AMOTL1: variants seen among roughly 807,000 people sequenced by gnomAD.
AMOTL1 encodes angiomotin like 1, also known as angiomotin-like protein 1.
AMOTL1 carries 45 observed loss-of-function variants against 102.9 expected under a neutral mutation model. The observed-to-expected ratio is 0.44, with a 90% CI of 0.34 to 0.56. AMOTL1 has a LOEUF of 0.56. AMOTL1 is among the 20% of genes least tolerant of loss of function. The pLI is 0.01. For synonymous variants in AMOTL1, 481 were observed against 484.7 expected, an observed-to-expected ratio of 0.99 and a Z score of 0.10; for missense variants, 1,114 against 1,225.6, an observed-to-expected ratio of 0.91 and a Z score of 1.36.
intron 2 of AMOTL1, among the ~76,000 whole-genome samples, chr11:94,798,524 G>A (rs1951409059): frequency 6.6e-6 from 1 of 152,232 alleles, no homozygotes; most frequent in African/African-American, 2.4e-5. Context: ...AAGTATTTTG[G>A]GCGAGGAAGA....
At chr11:94,837,663 G>A (rs750445798) in intron 6 of AMOTL1, among the ~76,000 whole-genome samples, 7 of 152,172 alleles carry the variant, frequency 4.6e-5, no homozygotes, top group Non-Finnish European at 1.0e-4. Flanking sequence ...GAAAATTAAT[G>A]TTACTCAATT....
rs992063819 is a variant in AMOTL1 at position 94,874,162 on chromosome 11, A to G, written c.*3367A>G. 2 of 152,244 alleles carry G rather than the reference A, an allele frequency of 1.3e-5. No homozygotes were observed. Among genetic ancestry groups the G allele is most frequent in the African/African-American group, 4.8e-5 (2 of 41,462 alleles). The allele number at this position is 152,244 out of a possible 1,614,324, so 9.4% of individuals were successfully genotyped here. The stretch of plus-strand genomic sequence containing the variant: ...GGAGAAGTTGGAGTCAGGTCTCTGA[A>G]GCTAGAGTTTCACTAATTAGATGCC... On this transcript the variant is annotated 3_prime_UTR_variant, in exon 13 of 13. Coordinates refer to ENST00000433060, the MANE Select transcript of AMOTL1 (RefSeq NM_130847.3).
At chr11:94,837,562 AC>A (rs1952209858) in intron 6 of AMOTL1, among the ~76,000 whole-genome samples, 1 of 152,200 alleles carries the variant, frequency 6.6e-6, no homozygotes, top group African/African-American at 2.4e-5. Context: ...GATAGGCAGC[AC>A]TGAGAAACTT....
At chr11:94,801,721 T>C (rs1025434560) in intron 3 of AMOTL1, among the ~76,000 whole-genome samples, 2 of 151,896 alleles carry the variant, frequency 1.3e-5, no homozygotes, top group Non-Finnish European at 2.9e-5. Flanking sequence ...AATTCTGGAA[T>C]AGGGATGATG....
chr11:94,865,576 C>G (rs1229149113), intron 10 of AMOTL1, among the ~76,000 whole-genome samples: 2 of 152,176 alleles, frequency 1.3e-5, no homozygotes, highest in East Asian at 3.9e-4. Context: ...AAAGCTCACC[C>G]TGTTTGAGGC....
chr11:94,828,451 C>T (rs931450964), intron 4 of AMOTL1, among the ~76,000 whole-genome samples: 2 of 152,098 alleles, frequency 1.3e-5, no homozygotes, highest in Non-Finnish European at 2.9e-5. Context: ...TGGATGAGAT[C>T]AGAGTTATAA....
chr11:94,795,216 A>C, intron 2 of AMOTL1, 56 bp downstream of exon 2: 1 of 1,588,894 alleles, frequency 6.3e-7, no homozygotes, highest in South Asian at 1.1e-5. Context: ...TACGTTTCTC[A>C]TCTTTAGCTC....
At chr11:94,708,804 C>T (rs533176909) in intron 1 of AMOTL1, among the ~76,000 whole-genome samples, 19 of 152,198 alleles carry the variant, frequency 1.2e-4, no homozygotes, top group South Asian at 4.1e-4. Flanking sequence ...CATCTATAAA[C>T]GTCTATAAAG....
At chr11:94,776,191 A>G (rs1951024143) in intron 1 of AMOTL1, among the ~76,000 whole-genome samples, 1 of 152,228 alleles carries the variant, frequency 6.6e-6, no homozygotes, top group African/African-American at 2.4e-5. Context: ...GTGTTTGCAC[A>G]TGCTCAGATA....
At chr11:94,809,474 A>G (rs1951632313) in intron 3 of AMOTL1, among the ~76,000 whole-genome samples, 1 of 152,194 alleles carries the variant, frequency 6.6e-6, no homozygotes, top group African/African-American at 2.4e-5. Context: ...TGTGCATGGC[A>G]TTGCATTCCG....
intron 1 of AMOTL1, among the ~76,000 whole-genome samples, chr11:94,714,304 T>G (rs1243098684): frequency 6.6e-6 from 1 of 152,108 alleles, no homozygotes; most frequent in Non-Finnish European, 1.5e-5. Flanking sequence ...TTGTTAAGGA[T>G]TTTTGCATCC....
chr11:94,869,603 T>C (rs1340288677), intron 12 of AMOTL1, 130 bp downstream of exon 12: 1 of 1,056,216 alleles, frequency 9.5e-7, no homozygotes, highest in Non-Finnish European at 1.3e-6. Flanking sequence ...GCTATTCTAA[T>C]GCACTTAGGA....
chr11:94,750,295 G>A (rs1391296661), intron 3 of AMOTL1, among the ~76,000 whole-genome samples: 2 of 152,132 alleles, frequency 1.3e-5, no homozygotes, highest in South Asian at 2.1e-4. Flanking sequence ...ATTGAGACCC[G>A]TGAACACCGT....
chr11:94,772,101 C>T (rs567696847), intron 1 of AMOTL1, among the ~76,000 whole-genome samples: 14 of 152,182 alleles, frequency 9.2e-5, no homozygotes, highest in African/African-American at 3.4e-4. Context: ...TCCTGTGTAC[C>T]CTTCACCCAG....
intron 1 of AMOTL1, 106 bp from the exon 2 acceptor site, chr11:94,794,905 C>A: frequency 7.9e-7 from 1 of 1,272,874 alleles, no homozygotes; most frequent in Non-Finnish European, 1.1e-6. Flanking sequence ...CTCCCTCTGC[C>A]AAGTTGAAAC....
upstream of AMOTL1, among the ~76,000 whole-genome samples, chr11:94,763,628 A>C (rs770451032): frequency 1.3e-5 from 2 of 152,248 alleles, no homozygotes; most frequent in Non-Finnish European, 2.9e-5. Context: ...CACATATTTC[A>C]TATGTTATAT....
At chr11:94,720,926 C>A (rs1362540480) in intron 1 of AMOTL1, among the ~76,000 whole-genome samples, 2 of 152,036 alleles carry the variant, frequency 1.3e-5, no homozygotes. Context: ...ATTAACCTGT[C>A]CAGGCCAAGC....
chr11:94,750,018 C>T (rs1591927727), intron 3 of AMOTL1, among the ~76,000 whole-genome samples: 1 of 152,170 alleles, frequency 6.6e-6, no homozygotes. Context: ...AGGCTAGATT[C>T]ACCTACTGTG....
intron 11 of AMOTL1, 66 bp downstream of exon 11, chr11:94,866,234 A>T (rs1192044035): frequency 1.3e-6 from 2 of 1,488,978 alleles, no homozygotes; most frequent in African/African-American, 2.8e-5. Context: ...TCTGCCACTC[A>T]TGGGACACGG....
Sources: allele counts gnomAD v4.1 joint callset (sites outside exome capture counted in the v4.1 genomes callset), GRCh38; gene constraint gnomAD v4.1.1; transcripts MANE v1.5; gene names NCBI Gene and HGNC (gene_info 2026-07-23, HGNC 2026-07-21).